Variants in RAB28 observed in about 807,000 individuals in gnomAD.
The protein encoded by RAB28 is RAB28, member RAS oncogene family, also known as ras-related protein Rab-28.
In RAB28, 24 loss-of-function variants were observed where a neutral mutation model predicts 31.7. The observed-to-expected ratio is 0.76, with a 90% CI of 0.55 to 1.06. The LOEUF is 1.06. Among genes scored for constraint, RAB28 ranks in the 50% least tolerant of loss-of-function variants. RAB28 has a pLI of 0.00. For synonymous variants in RAB28, 100 were observed against 90.4 expected (o/e 1.11, Z -0.60); for missense variants, 254 against 258.5 (o/e 0.98, Z 0.12).
chr4:13,409,485 G>T (rs79013764), intron 4 of RAB28, among the ~76,000 whole-genome samples: 3,253 of 152,264 alleles, frequency 0.021, 37 homozygotes, highest in Non-Finnish European at 0.035. Flanking sequence ...TGACCTATGA[G>T]AGAAGCTTGC....
intron 4 of RAB28, among the ~76,000 whole-genome samples, chr4:13,443,927 T>C (rs1257195515): frequency 6.6e-6 from 1 of 152,184 alleles, no homozygotes; most frequent in Non-Finnish European, 1.5e-5. Flanking sequence ...ACAAGTCATA[T>C]CATGCAGTGC....
chr4:13,431,391 C>T (rs11945083), intron 4 of RAB28, among the ~76,000 whole-genome samples: 8,539 of 152,198 alleles, frequency 0.056, 550 homozygotes, highest in African/African-American at 0.16. Context: ...CCTTGGTGCA[C>T]GCCCTCACGA....
chr4:13,381,415 T>G, intron 5 of RAB28, 76 bp downstream of exon 5: 1 of 1,030,994 alleles, frequency 9.7e-7, no homozygotes, highest in African/African-American at 1.6e-5. Context: ...AAAAGTTAAA[T>G]AGTGGAAGTA....
At chr4:13,392,843 A>C (rs919354432) in intron 4 of RAB28, among the ~76,000 whole-genome samples, 8 of 152,222 alleles carry the variant, frequency 5.3e-5, no homozygotes, top group Non-Finnish European at 1.2e-4. Context: ...TTAAAAACAT[A>C]ATGCTGTAAA....
rs142959970 is a variant in RAB28, at chr4:13,399,908, T to C, written c.392-18314A>G. On this transcript the variant is annotated intron_variant, in intron 4 of 6. Transcript: ENST00000330852. ...TATCTTCTGTAGTTAATATATCCCATATTTAAATTTAGCAATTATGTATTG... is the reference window on the plus strand; with the variant it reads ...TATCTTCTGTAGTTAATATATCCCACATTTAAATTTAGCAATTATGTATTG... Among the ~76,000 whole-genome samples, 323 of 152,328 alleles carry C rather than the reference T, an allele frequency of 2.1e-3. 2 individuals carry two copies. The highest frequency in any genetic ancestry group is 6.9e-3 in the African/African-American group (288 of 41,594).
At chr4:13,416,129 G>A (rs545160908) in intron 4 of RAB28, among the ~76,000 whole-genome samples, 4 of 152,038 alleles carry the variant, frequency 2.6e-5, no homozygotes, top group African/African-American at 7.2e-5. Context: ...ATGTGGGTGG[G>A]GCCAGATAAG....
At chr4:13,440,282 C>T (rs975454949) in intron 4 of RAB28, among the ~76,000 whole-genome samples, 4 of 151,962 alleles carry the variant, frequency 2.6e-5, no homozygotes, top group African/African-American at 9.7e-5. Context: ...AGAGAAATAA[C>T]CAAGATTTGG....
intron 4 of RAB28, among the ~76,000 whole-genome samples, chr4:13,433,480 A>G (rs929819400): frequency 2.0e-5 from 3 of 152,116 alleles, no homozygotes; most frequent in African/African-American, 4.8e-5. Context: ...AAACGAAAAC[A>G]CCCTACTAAA....
intron 2 of RAB28, among the ~76,000 whole-genome samples, chr4:13,477,463 T>C (rs560829944): frequency 2.0e-5 from 3 of 151,732 alleles, no homozygotes; most frequent in Non-Finnish European, 4.4e-5. Context: ...TCATCCTACA[T>C]GTGACACTTA....
chr4:13,463,180 A>G (rs538745312), intron 3 of RAB28, among the ~76,000 whole-genome samples: 1 of 152,312 alleles, frequency 6.6e-6, no homozygotes, highest in South Asian at 2.1e-4. Context: ...TAAACTCACA[A>G]ATAAAGCCTA....
chr4:13,381,886 T>C (rs1729148825), intron 4 of RAB28, among the ~76,000 whole-genome samples: 3 of 152,174 alleles, frequency 2.0e-5, no homozygotes, highest in Admixed American at 2.0e-4. Flanking sequence ...ATTATTATCA[T>C]CTGTATAAGT....
intron 4 of RAB28, among the ~76,000 whole-genome samples, chr4:13,383,320 T>C (rs1213580957): frequency 1.3e-5 from 2 of 152,198 alleles, no homozygotes; most frequent in Non-Finnish European, 2.9e-5. Flanking sequence ...TGTCACTTAA[T>C]GTGTGTGTAC....
intron 4 of RAB28, among the ~76,000 whole-genome samples, chr4:13,382,060 C>T (rs571070892): frequency 6.6e-6 from 1 of 152,306 alleles, no homozygotes; most frequent in East Asian, 1.9e-4. Flanking sequence ...AATGTTAGCA[C>T]AAATACATAA....
At chr4:13,377,417 C>T (rs1271881054) in intron 5 of RAB28, among the ~76,000 whole-genome samples, 2 of 152,182 alleles carry the variant, frequency 1.3e-5, no homozygotes, top group Admixed American at 1.3e-4. Context: ...AAAAAGGATA[C>T]ATATTCCTGA....
chr4:13,470,980 A>C (rs1294463823), intron 3 of RAB28, among the ~76,000 whole-genome samples: 1 of 152,114 alleles, frequency 6.6e-6, no homozygotes. Context: ...CCTACATATA[A>C]GCTTCTACGC....
In RAB28 at chr4:13,379,801, C is replaced by T. The variant is rs187670541; in HGVS notation, c.495+1690G>A. ...ACTAAGAATTATGACATAGGAATAT[C>T]AGAGAAAGTATAGTAACCCAGGAGC... On this transcript the variant is annotated intron_variant, in intron 5 of 6. Transcript: ENST00000330852. 9.2e-4 allele frequency among the ~76,000 whole-genome samples: 140 copies of T among 152,118 alleles called. 1 individual carries two copies. In the South Asian group the frequency reaches 0.017, roughly 18 times the overall value.
intron 4 of RAB28, chr4:13,459,798 C>A (rs975006434): frequency 3.3e-6 from 4 of 1,221,526 alleles, no homozygotes; most frequent in Non-Finnish European, 4.2e-6. Context: ...TCTTTCTTCC[C>A]TAAAATAGGA....
rs1321455272 is a variant in RAB28, at chr4:13,376,526, T to C, written c.573+19A>G. 35 of 1,552,172 alleles carry C rather than the reference T, an allele frequency of 2.3e-5. No individual in the cohort carries two copies. The highest frequency in any genetic ancestry group is 3.1e-5 in the Non-Finnish European group (35 of 1,144,934). ...AAGAAATTCATTAATTTTTTAAATATAAAGTTCAAGGTAATCACCTGTGAC... is the reference window on the plus strand; with the variant it reads ...AAGAAATTCATTAATTTTTTAAATACAAAGTTCAAGGTAATCACCTGTGAC... On this transcript the variant is annotated intron_variant, in intron 6 of 6. Transcript: ENST00000330852.
intron 4 of RAB28, among the ~76,000 whole-genome samples, chr4:13,457,671 A>C (rs570002922): frequency 6.6e-6 from 1 of 152,112 alleles, no homozygotes; most frequent in African/African-American, 2.4e-5. Flanking sequence ...CACTGTATTA[A>C]TTTCTTGCAT....
Sources: allele counts gnomAD v4.1 joint callset (sites outside exome capture counted in the v4.1 genomes callset), GRCh38; gene constraint gnomAD v4.1.1; transcripts MANE v1.5; gene names NCBI Gene and HGNC (gene_info 2026-07-23, HGNC 2026-07-21).